The following CXCL12 variants were observed in gnomAD, a reference collection of about 807,000 sequenced individuals.
CXCL12 encodes the protein C-X-C motif chemokine ligand 12.
CXCL12 carries 4 observed loss-of-function variants against 10.7 expected under a neutral mutation model. The ratio of observed to expected loss-of-function variants is 0.37; its 90% CI spans 0.18 to 0.86. The LOEUF is 0.86. Among genes scored for constraint, CXCL12 ranks in the 40% least tolerant of loss-of-function variants. CXCL12 has a pLI of 0.43. For synonymous variants in CXCL12, 54 were observed against 45.4 expected, an observed-to-expected ratio of 1.19 and a Z score of -0.77; for missense variants, 122 against 110.4, an observed-to-expected ratio of 1.10 and a Z score of -0.47.
downstream of CXCL12, chr10:44,372,872 C>T: frequency 1.3e-6 from 2 of 1,532,858 alleles, no homozygotes; most frequent in Non-Finnish European, 1.7e-6. Context: ...TCCCATCCCA[C>T]AGAGAGAAGC....
At chr10:44,379,956 GAA>G (rs1000800716) in intron 2 of CXCL12, among the ~76,000 whole-genome samples, 1 of 152,180 alleles carries the variant, frequency 6.6e-6, no homozygotes, top group African/African-American at 2.4e-5. Flanking sequence ...GTGTTGGGTG[GAA>G]AAGTCTTGGG....
downstream of CXCL12, among the ~76,000 whole-genome samples, chr10:44,373,581 G>A (rs1839373639): frequency 6.6e-6 from 1 of 152,240 alleles, no homozygotes; most frequent in Non-Finnish European, 1.5e-5. Flanking sequence ...ACAGACACGT[G>A]GCAAGCACTG....
At chr10:44,374,431 C>T, downstream of CXCL12, 1 of 455,706 alleles carries the variant, frequency 2.2e-6, no homozygotes. Flanking sequence ...GCAGCCCACC[C>T]AACAGCTCTG....
Position 44,378,592 on chromosome 10 carries a change from C to G in CXCL12, c.*41G>C. On this transcript the variant is annotated 3_prime_UTR_variant, in exon 3 of 3. Transcript: ENST00000343575. ...CATCTCTCACAAGGTTTTAGTTTTC[C>G]TCGAGTGGGTCTAGCGGAAAGTCCT... is the stretch of plus-strand genomic sequence containing the variant. 6.2e-7 allele frequency: 1 copy of G among 1,613,576 alleles called. No homozygotes were observed.
chr10:44,370,728 T>C (rs921681035), exon 4 of CXCL12: 1 of 152,284 alleles, frequency 6.6e-6, no homozygotes, highest in African/African-American at 2.4e-5. Flanking sequence ...GGTGCAACCT[T>C]CTGCTATTCA....
At chr10:44,382,109 C>A (rs1839650330) in intron 1 of CXCL12, among the ~76,000 whole-genome samples, 1 of 152,220 alleles carries the variant, frequency 6.6e-6, no homozygotes, top group African/African-American at 2.4e-5. Context: ...TGTCCCCCCA[C>A]TTCCTTGTCC....
At chr10:44,382,846 G>A (rs1839673064) in intron 1 of CXCL12, among the ~76,000 whole-genome samples, 1 of 152,214 alleles carries the variant, frequency 6.6e-6, no homozygotes, top group Non-Finnish European at 1.5e-5. Flanking sequence ...GGTCTCGTGT[G>A]TACCTCATGT....
chr10:44,372,913 C>G, downstream of CXCL12: 1 of 1,535,890 alleles, frequency 6.5e-7, no homozygotes, highest in Non-Finnish European at 8.7e-7. Context: ...GTTGACTGGT[C>G]CTGGCACCCC....
downstream of CXCL12, chr10:44,373,248 G>A: frequency 6.4e-7 from 1 of 1,570,042 alleles, no homozygotes; most frequent in Non-Finnish European, 8.6e-7. Flanking sequence ...CCTGGCAGGG[G>A]AGGCTGTGGC....
At chr10:44,373,073 G>A, downstream of CXCL12, 3 of 1,536,516 alleles carry the variant, frequency 2.0e-6, no homozygotes, top group Non-Finnish European at 2.6e-6. Context: ...ACTCTAATAA[G>A]GCAAGTACAA....
downstream of CXCL12, chr10:44,375,737 T>C (rs528641981): frequency 4.2e-5 from 44 of 1,043,664 alleles, no homozygotes; most frequent in Non-Finnish European, 5.5e-5. Context: ...ACTTTCTTCA[T>C]AACTTAGCAG....
intron 1 of CXCL12, among the ~76,000 whole-genome samples, chr10:44,382,595 G>A (rs1839665496): frequency 6.6e-6 from 1 of 152,116 alleles, no homozygotes; most frequent in Non-Finnish European, 1.5e-5. Flanking sequence ...GCGCCCAGAG[G>A]AGAGAAGCTC....
chr10:44,372,714 G>T, downstream of CXCL12: 1 of 1,427,278 alleles, frequency 7.0e-7, no homozygotes, highest in Non-Finnish European at 9.1e-7. Context: ...GGATGTGGAG[G>T]TGCTCGGGAT....
In CXCL12 at chr10:44,378,624, C is replaced by A; in HGVS notation, c.*9G>T. On this transcript the variant is annotated 3_prime_UTR_variant, in exon 3 of 3. Coordinates refer to ENST00000343575, the MANE Select transcript of CXCL12 (RefSeq NM_199168.4). Reference sequence around the variant, plus strand: ...GGGTCTAGCGGAAAGTCCTTTTTGGCTGTTGTGCTTACTTGTTTAAAGCTT... The same window carrying A: ...GGGTCTAGCGGAAAGTCCTTTTTGGATGTTGTGCTTACTTGTTTAAAGCTT... 1.9e-6 allele frequency: 3 copies of A among 1,614,104 alleles called. No individual in the cohort carries two copies. Among genetic ancestry groups the A allele is most frequent in the Non-Finnish European group, 2.5e-6 (3 of 1,180,006 alleles).
chr10:44,383,611 G>T (rs1033742688), intron 1 of CXCL12, among the ~76,000 whole-genome samples: 2,954 of 76,782 alleles, frequency 0.038, 168 homozygotes, highest in Non-Finnish European at 0.059. Context: ...ATGACTTGCG[G>T]GGGGGGGGGG....
chr10:44,377,034 G>C, downstream of CXCL12: 1 of 956,096 alleles, frequency 1.0e-6, no homozygotes, highest in Non-Finnish European at 1.2e-6. Context: ...CTGCAGGCAG[G>C]CTTAACTATA....
intron 1 of CXCL12, among the ~76,000 whole-genome samples, chr10:44,382,340 C>T (rs973541224): frequency 9.2e-5 from 14 of 152,202 alleles, no homozygotes; most frequent in Non-Finnish European, 1.6e-4. Flanking sequence ...ACCCCCAGGG[C>T]CGGGGCCTGC....
rs1839508220 is a variant in CXCL12, at chr10:44,377,966, G to A, written c.*667C>T. 6.6e-7 allele frequency: 1 copy of A among 1,521,100 alleles called. No homozygotes were observed. The highest frequency in any genetic ancestry group is 8.7e-7 in the Non-Finnish European group (1 of 1,143,878). 94.2% of individuals were successfully genotyped at this position (1,521,100 alleles called of 1,614,324 possible). ...GCTCTCGGAGTCGGGGAGAGAGTAGGAATAGCTGGGAGAGGGGTCTCTGAG... is the reference window on the plus strand; with the variant it reads ...GCTCTCGGAGTCGGGGAGAGAGTAGAAATAGCTGGGAGAGGGGTCTCTGAG... On this transcript the variant is annotated 3_prime_UTR_variant, in exon 3 of 3. Transcript: ENST00000343575.
chr10:44,375,783 A>G (rs977954168), downstream of CXCL12: 16 of 1,414,354 alleles, frequency 1.1e-5, no homozygotes, highest in Admixed American at 2.7e-4. Flanking sequence ...TAAATACAGA[A>G]GCCGGTGTGG....
Sources: gnomAD v4.1 joint callset for allele counts (sites outside exome capture counted in the v4.1 genomes callset) on GRCh38, gnomAD v4.1.1 for gene constraint, MANE v1.5 for transcripts, NCBI Gene and HGNC (gene_info 2026-07-23, HGNC 2026-07-21) for gene names.